Variants in ATP9B observed in about 807,000 individuals in gnomAD.
ATP9B encodes the protein ATPase phospholipid transporting 9B, also known as probable phospholipid-transporting ATPase IIB.
ATP9B carries 110 observed loss-of-function variants against 146.1 expected under a neutral mutation model. The ratio of observed to expected loss-of-function variants is 0.75; its 90% confidence interval spans 0.65 to 0.88. ATP9B has a LOEUF of 0.88. Among genes scored for constraint, ATP9B ranks in the 40% least tolerant of loss-of-function variants. ATP9B has a pLI of 0.00. For missense variants in ATP9B, 1,499 were observed against 1,496.4 expected (o/e 1.00, Z -0.03); for synonymous variants, 604 against 569.7 (o/e 1.06, Z -0.86).
intron 11 of ATP9B, among the ~76,000 whole-genome samples, chr18:79,216,868 GT>G (rs1295778342): frequency 2.0e-5 from 3 of 152,258 alleles, no homozygotes; most frequent in Admixed American, 2.0e-4. Context: ...TGATGTAAAA[GT>G]GTTCTTTCAG....
intron 12 of ATP9B, 187 bp downstream of exon 12, chr18:79,253,728 A>G: frequency 1.8e-6 from 1 of 560,198 alleles, no homozygotes; most frequent in Non-Finnish European, 3.0e-6. Context: ...CAGTGCCGGT[A>G]GAATGATCTA....
In ATP9B at chr18:79,137,562, G is replaced by A. The variant is rs149167792; in HGVS notation, c.668-6240G>A. Among the ~76,000 whole-genome samples, 423 of 152,226 alleles carry A rather than the reference G, an allele frequency of 2.8e-3. 1 individual carries two copies. The highest frequency in any genetic ancestry group is 1.0e-2 in the African/African-American group (415 of 41,530). ...TGGGCTTCTCCAGTCTGGCTCGAAGGGCACTTTGTAAACATGGGCATTCTC... is the reference window on the plus strand; with the variant it reads ...TGGGCTTCTCCAGTCTGGCTCGAAGAGCACTTTGTAAACATGGGCATTCTC... On this transcript the variant is annotated intron_variant, in intron 5 of 29. Transcript: ENST00000426216.
intron 17 of ATP9B, among the ~76,000 whole-genome samples, chr18:79,335,038 T>G (rs1013930498): frequency 6.6e-6 from 1 of 151,926 alleles, no homozygotes; most frequent in Non-Finnish European, 1.5e-5. Context: ...GTCCTTCACG[T>G]CACCACAACC....
chr18:79,270,459 C>T (rs7227050), intron 12 of ATP9B, among the ~76,000 whole-genome samples: 7,034 of 152,200 alleles, frequency 0.046, 562 homozygotes, highest in African/African-American at 0.16. Flanking sequence ...CATATTTAAA[C>T]CTTGATTTCA....
chr18:79,234,933 C>T (rs1019396846), intron 11 of ATP9B, among the ~76,000 whole-genome samples: 9 of 152,112 alleles, frequency 5.9e-5, no homozygotes, highest in East Asian at 3.8e-4. Context: ...AGTTCAGTGG[C>T]GCAGTCTAGG....
At chr18:79,344,209 G>A in intron 20 of ATP9B, 56 bp from the exon 21 acceptor site, 1 of 1,475,962 alleles carries the variant, frequency 6.8e-7, no homozygotes, top group Non-Finnish European at 9.4e-7. Context: ...CTGTTTCTCT[G>A]TGCCTGTAAC....
At chr18:79,260,017 A>C (rs886658104) in intron 12 of ATP9B, among the ~76,000 whole-genome samples, 16 of 152,260 alleles carry the variant, frequency 1.1e-4, no homozygotes, top group African/African-American at 3.6e-4. Context: ...TGGGAGATTC[A>C]CTGTTTGGAA....
intron 15 of ATP9B, among the ~76,000 whole-genome samples, chr18:79,327,623 G>T (rs1333718054): frequency 8.1e-5 from 11 of 135,840 alleles, no homozygotes; most frequent in African/African-American, 2.0e-4. Context: ...GCCCTCCCTG[G>T]TTAGTGTGCC....
intron 2 of ATP9B, among the ~76,000 whole-genome samples, chr18:79,101,054 T>G (rs2075241099): frequency 6.6e-6 from 1 of 152,062 alleles, no homozygotes. Flanking sequence ...ACCCCAGTTG[T>G]TACATCTTAT....
chr18:79,349,784 G>A (rs535041007), intron 25 of ATP9B, among the ~76,000 whole-genome samples: 1 of 152,006 alleles, frequency 6.6e-6, no homozygotes, highest in Non-Finnish European at 1.5e-5. Flanking sequence ...CCTTCCTTCC[G>A]TCTCCAGTCT....
chr18:79,341,158 CTG>C (rs1473748909), intron 19 of ATP9B, among the ~76,000 whole-genome samples: 6 of 152,190 alleles, frequency 3.9e-5, no homozygotes, highest in Admixed American at 2.0e-4. Flanking sequence ...TCGTTGAAGT[CTG>C]TGTTGCCGAC....
intron 1 of ATP9B, among the ~76,000 whole-genome samples, chr18:79,090,831 G>A (rs1159300755): frequency 6.6e-6 from 1 of 152,080 alleles, no homozygotes; most frequent in East Asian, 1.9e-4. Flanking sequence ...TGTGCTTGAG[G>A]GGTATTGCCG....
In ATP9B at chr18:79,329,318, G is replaced by T; in HGVS notation, c.1935+16G>T. On this transcript the variant is annotated intron_variant, in intron 16 of 29. Transcript: ENST00000426216. ...CATCGTCAGGGTGAGGCTGCGGGGA[G>T]GGTGCCACGCGATGGCTTCAGACAT... is the stretch of plus-strand genomic sequence containing the variant. 2 of 1,576,882 alleles carry T rather than the reference G, an allele frequency of 1.3e-6. No individual in the cohort carries two copies. The highest frequency in any genetic ancestry group is 1.7e-6 in the Non-Finnish European group (2 of 1,160,164).
chr18:79,356,799 G>T (rs1207364532), intron 25 of ATP9B, among the ~76,000 whole-genome samples: 1 of 151,844 alleles, frequency 6.6e-6, no homozygotes, highest in Non-Finnish European at 1.5e-5. Context: ...CCCTGTGTGA[G>T]GGGTGCTCTG....
chr18:79,299,317 C>G (rs1457594394), intron 13 of ATP9B, among the ~76,000 whole-genome samples: 2 of 152,192 alleles, frequency 1.3e-5, no homozygotes, highest in Admixed American at 1.3e-4. Context: ...CTCTCCAGCC[C>G]TTCTCTTGTG....
At chr18:79,327,537 G>GTGCCCTCCATGGTTAA (rs2096757457) in intron 15 of ATP9B, among the ~76,000 whole-genome samples, 1 of 131,644 alleles carries the variant, frequency 7.6e-6, no homozygotes, top group Admixed American at 7.2e-5. Flanking sequence ...TCCGTGGTTA[G>GTGCCCTCCATGGTTAA]CGTGCTCTCC....
chr18:79,269,247 G>A lies in ATP9B; in HGVS notation c.1269-7807G>A, dbSNP rs191870916. ...AGGTCAGGGCTTGGTCACTGTCCTC[G>A]CCACACCTTTGTTTCCGCTGCTCTC... On this transcript the variant is annotated intron_variant, in intron 12 of 29. Coordinates refer to ENST00000426216, the MANE Select transcript of ATP9B (RefSeq NM_198531.5). 3.9e-5 allele frequency among the ~76,000 whole-genome samples: 6 copies of A among 152,242 alleles called. 1 individual carries two copies. In the South Asian group the frequency reaches 8.3e-4, roughly 21 times the overall value.
chr18:79,076,920 T>C (rs1010974960), intron 1 of ATP9B, among the ~76,000 whole-genome samples: 2 of 152,192 alleles, frequency 1.3e-5, no homozygotes, highest in African/African-American at 4.8e-5. Context: ...TTAGTTTTAC[T>C]GTTGAGCCCA....
At position 79,069,496 on chromosome 18, in the gene ATP9B, C is replaced by A; in HGVS notation, c.86C>A (p.Ala29Glu). The A allele has an allele frequency of 6.8e-7, 1 of 1,465,996 alleles. No homozygotes were observed. Among genetic ancestry groups the A allele is most frequent in the Non-Finnish European group, 9.0e-7 (1 of 1,108,322 alleles). The allele number at this position is 1,465,996 out of a possible 1,614,324, so 90.8% of individuals were successfully genotyped here. Reference sequence around the variant, plus strand: ...AAACGCGCGGCCTACTACAGCGCCGCGGGGCCCAGGCCGGGAGCCGACCGG... The same window carrying A: ...AAACGCGCGGCCTACTACAGCGCCGAGGGGCCCAGGCCGGGAGCCGACCGG... ...NRKRAAYYSA[A>E]GPRPGADRHS... Residue 29 changes from alanine to glutamate, a missense_variant, in exon 1 of 30, where the codon GCG (alanine) becomes GAG (glutamate). Transcript: ENST00000426216.
Sources: gnomAD v4.1 joint callset for allele counts (sites outside exome capture counted in the v4.1 genomes callset) on GRCh38, gnomAD v4.1.1 for gene constraint, MANE v1.5 for transcripts, NCBI Gene and HGNC (gene_info 2026-07-23, HGNC 2026-07-21) for gene names.